MSI2: variants seen among roughly 807,000 people sequenced by gnomAD.
The protein encoded by MSI2 is RNA-binding protein Musashi homolog 2.
In MSI2, 17 loss-of-function variants were observed where a neutral mutation model predicts 45.6. The ratio of observed to expected loss-of-function variants is 0.37; its 90% confidence interval spans 0.26 to 0.56. The LOEUF (loss-of-function observed/expected upper bound fraction) is 0.56. MSI2 is among the 20% of genes least tolerant of loss of function. The pLI, the probability that MSI2 is intolerant of heterozygous loss-of-function variation, is 0.77. For synonymous variants in MSI2, 156 were observed against 158.2 expected (o/e 0.99, Z 0.11); for missense variants, 293 against 444.2 (o/e 0.66, Z 3.06).
At position 57,675,025 on chromosome 17, in the gene MSI2, G is replaced by C. The variant is rs768472972; in HGVS notation, c.844G>C (p.Val282Leu). The change falls in exon 12 of 14, where the codon GTC becomes CTC. Residue 282 changes from valine (V) to leucine (L), a missense_variant. Coordinates refer to ENST00000284073, the MANE Select transcript of MSI2 (RefSeq NM_138962.4). ...CCCGGGGGCCAACAGCCCAGGACCT[G>C]TCGCCGATCTCTACGGCCCTGCCAG... ...GFPGANSPGP[V>L]ADLYGPASQD... 1 of 1,613,954 alleles carries C rather than the reference G, an allele frequency of 6.2e-7. No individual in the cohort carries two copies. The highest frequency in any genetic ancestry group is 8.5e-7 in the Non-Finnish European group (1 of 1,179,968).
chr17:57,477,655 G>A (rs755288061), intron 6 of MSI2, among the ~76,000 whole-genome samples: 2 of 152,224 alleles, frequency 1.3e-5, no homozygotes, highest in Non-Finnish European at 2.9e-5. Context: ...GATGCAAAAT[G>A]CACCCAAGGG....
intron 6 of MSI2, among the ~76,000 whole-genome samples, chr17:57,454,404 T>A (rs1026339621): frequency 2.6e-5 from 4 of 151,750 alleles, no homozygotes; most frequent in African/African-American, 4.8e-5. Context: ...CTTCCTTCCT[T>A]CTTTCCTCTC....
intron 5 of MSI2, among the ~76,000 whole-genome samples, chr17:57,355,282 T>C (rs1916332448): frequency 6.6e-6 from 1 of 152,222 alleles, no homozygotes; most frequent in Non-Finnish European, 1.5e-5. Context: ...GCAGCTCCCA[T>C]GGAAATAGTA....
chr17:57,271,744 CT>C lies in MSI2; in HGVS notation c.312+9575del, dbSNP rs60803369. On this transcript the variant is annotated intron_variant, in intron 5 of 13. Transcript: ENST00000284073. The stretch of plus-strand genomic sequence containing the variant: ...TGCAAAATAGACGGGCCACTGCAAT[CT>C]TTTTTTTTTTTTTTTTTTTTTTAAG... Among the ~76,000 whole-genome samples, 876 of 107,586 alleles carry C rather than the reference CT, an allele frequency of 8.1e-3. 8 individuals carry two copies. Among genetic ancestry groups the C allele is most frequent in the South Asian group, 0.026 (87 of 3,298 alleles). 70.6% of individuals were successfully genotyped at this position (107,586 alleles called of 152,430 possible). A position where few individuals can be genotyped will look rare whatever the true frequency, so the allele number is the denominator to read the frequency against.
At position 57,450,255 on chromosome 17, in the gene MSI2, T is replaced by TAGAAAG. The variant is rs1567830518; in HGVS notation, c.405+48785_405+48786insGAAAGA. On this transcript the variant is annotated intron_variant, in intron 6 of 13. Coordinates refer to ENST00000284073, the MANE Select transcript of MSI2 (RefSeq NM_138962.4). ...CAACTGGAAATGGTATTCCCCAGCT[T>TAGAAAG]AAAGAAAGAAAGAAAGAAAGAAAGA... The TAGAAAG allele has an allele frequency of 2.6e-5, 2 of 76,062 alleles. 1 individual carries two copies. The highest frequency in any genetic ancestry group is 7.9e-5 in the African/African-American group (2 of 25,410). The allele number at this position is 76,062 out of a possible 1,614,324, so 4.7% of individuals were successfully genotyped here. A position where few individuals can be genotyped will look rare whatever the true frequency, so the allele number is the denominator to read the frequency against.
the MSI2 span, among the ~76,000 whole-genome samples, chr17:57,693,865 G>A: frequency 3.3e-5 from 5 of 152,310 alleles, no homozygotes; most frequent in African/African-American, 1.2e-4. Flanking sequence ...TGCAAACTAT[G>A]GTCCTTGGGC....
At chr17:57,630,358 G>A (rs1257508885) in intron 10 of MSI2, 7 of 152,238 alleles carry the variant, frequency 4.6e-5, no homozygotes, top group Non-Finnish European at 8.8e-5. Context: ...CTGACCTTTG[G>A]GAGTTAGCTG....
At chr17:57,694,219 G>T in the MSI2 span, among the ~76,000 whole-genome samples, 1 of 152,186 alleles carries the variant, frequency 6.6e-6, no homozygotes, top group East Asian at 1.9e-4. Flanking sequence ...CTAGTCAGAA[G>T]TTGACTTGGA....
intron 6 of MSI2, among the ~76,000 whole-genome samples, chr17:57,461,260 G>C (rs977024341): frequency 6.6e-6 from 1 of 152,182 alleles, no homozygotes; most frequent in South Asian, 2.1e-4. Flanking sequence ...CATTTGGCCT[G>C]CTCCCCGAGG....
rs77371071 is a variant in MSI2 at position 57,486,822 on chromosome 17, G to A, written c.406-42854G>A. ...TATTTTAGTGTATTGCCAGACTCAC[G>A]GAGAACTTCGTTTGTCCAAAGCTCC... On this transcript the variant is annotated intron_variant, in intron 6 of 13. Coordinates refer to ENST00000284073, the MANE Select transcript of MSI2 (RefSeq NM_138962.4). Among the ~76,000 whole-genome samples the A allele has an allele frequency of 1.2e-4, 18 of 152,234 alleles. No homozygotes were observed. In the East Asian group the frequency reaches 2.5e-3, roughly 21 times the overall value.
rs182332245 is a variant in MSI2, at chr17:57,682,741, G to A, written c.*3224G>A. The A allele has an allele frequency of 8.6e-5, 19 of 221,132 alleles. No individual in the cohort carries two copies. In the East Asian group the frequency reaches 1.2e-3, roughly 14 times the overall value. 13.7% of individuals were successfully genotyped at this position (221,132 alleles called of 1,614,324 possible). A position where few individuals can be genotyped will look rare whatever the true frequency, so the allele number is the denominator to read the frequency against. ...ATGGGAACCACCTTTCGCCTTCCCT[G>A]GGGGAGAAACCCTCTTGGCTGATGG... On this transcript the variant is annotated 3_prime_UTR_variant, in exon 14 of 14. Coordinates refer to ENST00000284073, the MANE Select transcript of MSI2 (RefSeq NM_138962.4).
At chr17:57,499,608 A>T (rs2086057628) in intron 6 of MSI2, among the ~76,000 whole-genome samples, 3 of 152,182 alleles carry the variant, frequency 2.0e-5, no homozygotes, top group Admixed American at 2.0e-4. Context: ...TCACCCAAAA[A>T]CTTGTTGGCT....
At chr17:57,587,530 C>T (rs1486763124) in intron 7 of MSI2, among the ~76,000 whole-genome samples, 1 of 152,034 alleles carries the variant, frequency 6.6e-6, no homozygotes, top group African/African-American at 2.4e-5. Flanking sequence ...CCTCACACAC[C>T]TGAGATCACT....
At chr17:57,458,558 A>G (rs1178157090) in intron 6 of MSI2, among the ~76,000 whole-genome samples, 1 of 152,118 alleles carries the variant, frequency 6.6e-6, no homozygotes, top group African/African-American at 2.4e-5. Flanking sequence ...CTCATTGCTG[A>G]TATCTTCTTC....
intron 7 of MSI2, among the ~76,000 whole-genome samples, chr17:57,543,547 C>T (rs2087099802): frequency 6.6e-6 from 1 of 152,170 alleles, no homozygotes; most frequent in Non-Finnish European, 1.5e-5. Flanking sequence ...ATTTCCTCCC[C>T]ACTTCCAAAA....
At chr17:57,591,876 G>A (rs1160858044) in intron 7 of MSI2, among the ~76,000 whole-genome samples, 1 of 151,964 alleles carries the variant, frequency 6.6e-6, no homozygotes, top group Non-Finnish European at 1.5e-5. Flanking sequence ...CCACTGAATT[G>A]TGTGATTAAA....
chr17:57,694,955 A>G, the MSI2 span, among the ~76,000 whole-genome samples: 1 of 152,392 alleles, frequency 6.6e-6, no homozygotes, highest in Non-Finnish European at 1.5e-5. Flanking sequence ...TGTAAGTGCT[A>G]TAATTATGTC....
intron 6 of MSI2, among the ~76,000 whole-genome samples, chr17:57,516,352 T>A (rs1425133811): frequency 6.6e-6 from 1 of 152,184 alleles, no homozygotes; most frequent in African/African-American, 2.4e-5. Context: ...CTCTGGTCAG[T>A]TGTGCACCAG....
chr17:57,510,680 T>A (rs568079261), intron 6 of MSI2, among the ~76,000 whole-genome samples: 4 of 151,692 alleles, frequency 2.6e-5, no homozygotes, highest in Admixed American at 2.0e-4. Context: ...CACCCACCTC[T>A]GCCTCCCAAA....
Sources: allele counts gnomAD v4.1 joint callset (sites outside exome capture counted in the v4.1 genomes callset), GRCh38; gene constraint gnomAD v4.1.1; transcripts MANE v1.5; gene names NCBI Gene and HGNC (gene_info 2026-07-23, HGNC 2026-07-21).